Variants in MTOR observed in about 807,000 individuals in gnomAD.
MTOR encodes serine/threonine-protein kinase mTOR.
In MTOR, 70 loss-of-function variants were observed where a neutral mutation model predicts 319.8. The ratio of observed to expected loss-of-function variants is 0.22; its 90% CI spans 0.18 to 0.27. MTOR has a LOEUF of 0.27. MTOR is among the 10% of genes least tolerant of loss of function. The probability of loss-of-function intolerance (pLI) is 1.00; values close to 1 mark genes in which losing one functional copy is unlikely to be tolerated. For synonymous variants in MTOR, 1,183 were observed against 1,211.4 expected, an observed-to-expected ratio of 0.98 and a Z score of 0.49; for missense variants, 1,890 against 3,274.4, an observed-to-expected ratio of 0.58 and a Z score of 10.32.
chr1:11,144,199 C>T (rs987739938), intron 34 of MTOR, among the ~76,000 whole-genome samples: 1 of 152,098 alleles, frequency 6.6e-6, no homozygotes, highest in Non-Finnish European at 1.5e-5. Flanking sequence ...TGGTTCTTAG[C>T]TTTGGCTGGT....
At chr1:11,258,942 T>C (rs1458562495) in intron 2 of MTOR, among the ~76,000 whole-genome samples, 1 of 152,116 alleles carries the variant, frequency 6.6e-6, no homozygotes, top group Non-Finnish European at 1.5e-5. Context: ...CCCATCCCAA[T>C]CACTGTTATC....
At chr1:11,176,302 C>G (rs1644991548) in intron 28 of MTOR, among the ~76,000 whole-genome samples, 2 of 152,180 alleles carry the variant, frequency 1.3e-5, no homozygotes, top group Non-Finnish European at 2.9e-5. Context: ...GCCCTCATCC[C>G]TCAGTCTTGG....
chr1:11,149,147 T>C (rs1192272549), intron 31 of MTOR: 1 of 152,210 alleles, frequency 6.6e-6, no homozygotes, highest in African/African-American at 2.4e-5. Context: ...GCTGAATGTG[T>C]AGGTGTATGA....
At position 11,128,391 on chromosome 1, in the gene MTOR, T is replaced by C. The variant is rs1333295038; in HGVS notation, c.5910+63A>G. ...CCTGCGCTTGTGTCGCCAGGGCAGC[T>C]TTTGGAAAGGCTGACCACCAAACCA... is the stretch of plus-strand genomic sequence containing the variant. On this transcript the variant is annotated intron_variant, in intron 42 of 57. Transcript: ENST00000361445. This position sits in a 1 kb window ranked among gnomAD's most constrained non-coding sequence, Gnocchi z 5.3. 6.5e-7 allele frequency: 1 copy of C among 1,541,868 alleles called. No homozygotes were observed. The highest frequency in any genetic ancestry group is 9.0e-7 in the Non-Finnish European group (1 of 1,116,394).
At chr1:11,119,572 A>AG (rs1642387427) in intron 49 of MTOR, among the ~76,000 whole-genome samples, 4 of 119,250 alleles carry the variant, frequency 3.4e-5, no homozygotes, top group Middle Eastern at 3.8e-3. Flanking sequence ...TTCCGTCTCG[A>AG]GAAAAAAAAA....
intron 5 of MTOR, among the ~76,000 whole-genome samples, chr1:11,255,403 A>G (rs888823098): frequency 1.4e-4 from 17 of 125,402 alleles, no homozygotes; most frequent in Non-Finnish European, 1.5e-4. Flanking sequence ...AAAAAAAAAA[A>G]AAAAAAGAAA....
intron 14 of MTOR, 147 bp from the exon 15 acceptor site, chr1:11,233,634 T>C: frequency 1.5e-6 from 1 of 658,426 alleles, no homozygotes; most frequent in Non-Finnish European, 2.6e-6. Context: ...CTCTGGAATG[T>C]AAATTCTCAA....
intron 5 of MTOR, among the ~76,000 whole-genome samples, chr1:11,254,293 C>A (rs995540991): frequency 1.3e-5 from 2 of 152,126 alleles, no homozygotes; most frequent in Admixed American, 6.5e-5. Context: ...GCACACACTA[C>A]CACGCCTGGC....
At chr1:11,193,464 C>G in intron 28 of MTOR, 1 of 876,516 alleles carries the variant, frequency 1.1e-6, no homozygotes, top group Non-Finnish European at 1.7e-6. Context: ...AGTGTGACTG[C>G]GGGAGTGCAC....
intron 56 of MTOR, 38 bp from the exon 57 acceptor site, chr1:11,108,324 T>G (rs766674150): frequency 6.7e-7 from 1 of 1,481,956 alleles, no homozygotes; most frequent in African/African-American, 1.4e-5. Context: ...ACTCTCTTCC[T>G]GGCAATCGAT....
chr1:11,166,716 C>T (rs941297165), intron 29 of MTOR, among the ~76,000 whole-genome samples: 1 of 152,154 alleles, frequency 6.6e-6, no homozygotes, highest in African/African-American at 2.4e-5. Context: ...ACTAGAAATA[C>T]CATTTAACCC....
At chr1:11,125,893 T>C (rs796116674) in intron 46 of MTOR, among the ~76,000 whole-genome samples, 52 of 150,890 alleles carry the variant, frequency 3.4e-4, no homozygotes, top group African/African-American at 1.2e-3. Context: ...ATACAAAAAT[T>C]AGCTAGGTGT....
At chr1:11,139,462 A>G (rs940856777) in intron 35 of MTOR, 27 bp from the exon 36 acceptor site, 11 of 1,614,000 alleles carry the variant, frequency 6.8e-6, no homozygotes, top group Non-Finnish European at 7.6e-6. Context: ...ACTGGGTTAT[A>G]GACAGAACTG....
In MTOR at chr1:11,114,680, G is replaced by T. The variant is rs140928999; in HGVS notation, c.7164+133C>A. 4.2e-4 allele frequency: 446 copies of T among 1,053,026 alleles called. 3 individuals carry two copies. In the African/African-American group the frequency reaches 6.4e-3, roughly 15 times the overall value. 65.2% of individuals were successfully genotyped at this position (1,053,026 alleles called of 1,614,324 possible). On this transcript the variant is annotated intron_variant, in intron 52 of 57. Transcript: ENST00000361445. ...AGATAGGTCATTTCTAACACAATAG[G>T]AAATAACAGAAAACTGCTACAAAAA...
rs914996906 is a variant in MTOR at position 11,177,267 on chromosome 1, G to T, written c.4254-9750C>A. ...TGGCCAGCTTTAGACAGTCAAAATAGGTTTCTTTGGCTAGGCGCGGTGGCT... is the reference window on the plus strand; with the variant it reads ...TGGCCAGCTTTAGACAGTCAAAATATGTTTCTTTGGCTAGGCGCGGTGGCT... On this transcript the variant is annotated intron_variant, in intron 28 of 57. Coordinates refer to ENST00000361445, the MANE Select transcript of MTOR (RefSeq NM_004958.4). 2.6e-5 allele frequency among the ~76,000 whole-genome samples: 4 copies of T among 152,094 alleles called. No individual in the cohort carries two copies. In the East Asian group the frequency reaches 7.7e-4, roughly 29 times the overall value.
chr1:11,147,942 G>A (rs939325650), intron 31 of MTOR, among the ~76,000 whole-genome samples: 11 of 152,158 alleles, frequency 7.2e-5, no homozygotes, highest in Non-Finnish European at 2.9e-5. Context: ...GTAAGAATTG[G>A]GCAGCAAAGA....
chr1:11,154,454 A>C (rs1351245019), intron 30 of MTOR, among the ~76,000 whole-genome samples: 1 of 152,002 alleles, frequency 6.6e-6, no homozygotes, highest in East Asian at 1.9e-4. Flanking sequence ...AAAATAAATA[A>C]AAATCTTCCT....
At chr1:11,190,228 T>C (rs1046878380) in intron 28 of MTOR, among the ~76,000 whole-genome samples, 1 of 152,206 alleles carries the variant, frequency 6.6e-6, no homozygotes, top group Non-Finnish European at 1.5e-5. Context: ...CAGCAAGTCT[T>C]AGAAGCAGGG....
chr1:11,151,898 C>T (rs1395556253), intron 30 of MTOR, among the ~76,000 whole-genome samples: 1 of 152,168 alleles, frequency 6.6e-6, no homozygotes, highest in African/African-American at 2.4e-5. Context: ...TTCTGTGCCA[C>T]AGGACCAAGG....
Sources: gnomAD v4.1 joint callset for allele counts (sites outside exome capture counted in the v4.1 genomes callset) on GRCh38, gnomAD v4.1.1 for gene constraint, Gnocchi (gnomAD v3.1) non-coding constraint, MANE v1.5 for transcripts, NCBI Gene and HGNC (gene_info 2026-07-23, HGNC 2026-07-21) for gene names.